The following CADPS variants were observed in gnomAD, a reference collection of about 807,000 sequenced individuals.
The protein encoded by CADPS is calcium dependent secretion activator.
In CADPS, 57 loss-of-function variants were observed where a neutral mutation model predicts 167.3. The observed-to-expected ratio is 0.34, with a 90% CI of 0.28 to 0.42. The LOEUF is 0.42. Ranked by LOEUF, CADPS falls within the 20% of genes least tolerant of loss-of-function variation. CADPS has a pLI of 1.00. For synonymous variants in CADPS, 676 were observed against 635.3 expected, an observed-to-expected ratio of 1.06 and a Z score of -0.96; for missense variants, 1,414 against 1,738.1, an observed-to-expected ratio of 0.81 and a Z score of 3.32.
chr3:62,441,092 T>C (rs553304096), intron 27 of CADPS: 6 of 152,240 alleles, frequency 3.9e-5, no homozygotes, highest in South Asian at 2.1e-4. Flanking sequence ...CCCTTAGTTA[T>C]AGCTGGAAAA....
intron 6 of CADPS, among the ~76,000 whole-genome samples, chr3:62,607,014 C>G (rs577862641): frequency 1.3e-4 from 20 of 152,188 alleles, no homozygotes; most frequent in Non-Finnish European, 2.8e-4. Context: ...CACTGAGTTT[C>G]GGGGTGGTTT....
intron 4 of CADPS, among the ~76,000 whole-genome samples, chr3:62,661,229 T>C (rs1035861089): frequency 3.3e-5 from 5 of 152,080 alleles, no homozygotes; most frequent in Non-Finnish European, 7.4e-5. Context: ...GACTCAGACA[T>C]GTAAATAAAT....
intron 3 of CADPS, among the ~76,000 whole-genome samples, chr3:62,752,898 T>C (rs1189601218): frequency 1.3e-5 from 2 of 152,242 alleles, no homozygotes; most frequent in African/African-American, 2.4e-5. Flanking sequence ...CTAGAGGAAA[T>C]ACAAGCCCAT....
chr3:62,410,702 A>T (rs1354567981), intron 28 of CADPS, among the ~76,000 whole-genome samples: 1 of 152,216 alleles, frequency 6.6e-6, no homozygotes, highest in Non-Finnish European at 1.5e-5. Context: ...TGCCAGGCAC[A>T]TCCTAAGTAC....
chr3:62,529,613 G>T (rs769515417), intron 13 of CADPS, among the ~76,000 whole-genome samples: 1 of 152,180 alleles, frequency 6.6e-6, no homozygotes, highest in African/African-American at 2.4e-5. Context: ...ACATATTGCG[G>T]TGAAGGAGAT....
At chr3:62,843,942 G>A (rs2077004249) in intron 1 of CADPS, among the ~76,000 whole-genome samples, 2 of 152,124 alleles carry the variant, frequency 1.3e-5, no homozygotes, top group South Asian at 4.1e-4. Flanking sequence ...TTTAAAGTGA[G>A]ACATTACCCT....
intron 18 of CADPS, chr3:62,498,219 T>A (rs2065134414): frequency 2.2e-6 from 1 of 456,448 alleles, no homozygotes; most frequent in Admixed American, 2.4e-5. Context: ...AAATATGCAA[T>A]CAGGCATTAG....
chr3:62,684,826 C>T (rs551370172), intron 3 of CADPS, among the ~76,000 whole-genome samples: 1 of 151,990 alleles, frequency 6.6e-6, no homozygotes, highest in East Asian at 1.9e-4. Flanking sequence ...AAAGTACATG[C>T]ACCAATCAGA....
At chr3:62,672,268 C>T (rs1257576551) in intron 3 of CADPS, among the ~76,000 whole-genome samples, 1 of 152,166 alleles carries the variant, frequency 6.6e-6, no homozygotes, top group Non-Finnish European at 1.5e-5. Flanking sequence ...AAGAATTCAT[C>T]CTTCTAAACA....
At chr3:62,752,405 TTG>T (rs1242691787) in intron 3 of CADPS, among the ~76,000 whole-genome samples, 1 of 152,230 alleles carries the variant, frequency 6.6e-6, no homozygotes, top group Non-Finnish European at 1.5e-5. Context: ...GATGCATGTG[TTG>T]TATTATGAAA....
At chr3:62,439,005 A>G (rs1186687445) in intron 27 of CADPS, 1 of 151,880 alleles carries the variant, frequency 6.6e-6, no homozygotes, top group Non-Finnish European at 1.5e-5. Context: ...AGGGAAGTAA[A>G]AAAAAAAAGA....
At chr3:62,402,722 A>G (rs552202165) in intron 29 of CADPS, among the ~76,000 whole-genome samples, 113 of 152,352 alleles carry the variant, frequency 7.4e-4, no homozygotes, top group Non-Finnish European at 1.5e-3. Context: ...GCAACATTTT[A>G]TTTAATTAAA....
At chr3:62,429,915 A>C (rs1437784354) in intron 28 of CADPS, among the ~76,000 whole-genome samples, 5 of 152,234 alleles carry the variant, frequency 3.3e-5, no homozygotes, top group African/African-American at 9.6e-5. Flanking sequence ...GACACTTAGC[A>C]AAACTCTTCA....
rs1324370662 is a variant in CADPS at position 62,745,824 on chromosome 3, C to G, written c.888+7617G>C. On this transcript the variant is annotated intron_variant, in intron 3 of 29. Coordinates refer to ENST00000383710, the MANE Select transcript of CADPS (RefSeq NM_003716.4). Reference sequence around the variant, plus strand: ...TATTTAATTGTGCATCTATTTTGTGCTGAGCATTGTGCTAAGTGTTGGCTG... The same window carrying G: ...TATTTAATTGTGCATCTATTTTGTGGTGAGCATTGTGCTAAGTGTTGGCTG... Among the ~76,000 whole-genome samples the G allele has an allele frequency of 2.6e-5, 4 of 152,180 alleles. No homozygotes were observed. In the East Asian group the frequency reaches 7.7e-4, roughly 29 times the overall value.
chr3:62,520,271 T>G (rs1256364394), intron 13 of CADPS, among the ~76,000 whole-genome samples: 1 of 152,248 alleles, frequency 6.6e-6, no homozygotes, highest in Non-Finnish European at 1.5e-5. Flanking sequence ...AGAAGGCAGC[T>G]TTCTGCTTTG....
chr3:62,513,287 C>T (rs1446600576), intron 16 of CADPS, among the ~76,000 whole-genome samples: 1 of 152,010 alleles, frequency 6.6e-6, no homozygotes, highest in Non-Finnish European at 1.5e-5. Flanking sequence ...ACGCATTGCT[C>T]CCCAGCCTAG....
intron 28 of CADPS, among the ~76,000 whole-genome samples, chr3:62,417,651 A>G (rs1443678644): frequency 6.6e-6 from 1 of 152,000 alleles, no homozygotes; most frequent in Non-Finnish European, 1.5e-5. Context: ...GTCTCATTGA[A>G]TCTGATTTGG....
intron 3 of CADPS, among the ~76,000 whole-genome samples, chr3:62,697,280 G>C (rs1223805244): frequency 2.2e-5 from 1 of 45,328 alleles, no homozygotes; most frequent in Non-Finnish European, 5.3e-5. Flanking sequence ...CCTTTCCCCT[G>C]AGTCCCCAAA....
intron 1 of CADPS, among the ~76,000 whole-genome samples, chr3:62,802,346 T>C (rs1419042603): frequency 2.6e-5 from 4 of 152,198 alleles, no homozygotes; most frequent in African/African-American, 7.2e-5. Context: ...TTTGTAAATG[T>C]TGTACTCTTT....
Sources: allele counts gnomAD v4.1 joint callset (sites outside exome capture counted in the v4.1 genomes callset), GRCh38; gene constraint gnomAD v4.1.1; transcripts MANE v1.5; gene names NCBI Gene and HGNC (gene_info 2026-07-23, HGNC 2026-07-21).